The following RRM1 variants were observed in gnomAD, a reference collection of about 807,000 sequenced individuals.
RRM1 encodes the protein ribonucleotide reductase catalytic subunit M1.
RRM1 carries 19 observed loss-of-function variants against 101.5 expected under a neutral mutation model. The observed-to-expected ratio is 0.19, with a 90% CI of 0.13 to 0.27. The LOEUF is 0.27. RRM1 is among the 10% of genes least tolerant of loss of function. The pLI is 1.00. For missense variants in RRM1, 500 were observed against 962.9 expected, an observed-to-expected ratio of 0.52 and a Z score of 6.36; for synonymous variants, 298 against 323.4, an observed-to-expected ratio of 0.92 and a Z score of 0.84.
intron 4 of RRM1, among the ~76,000 whole-genome samples, chr11:4,108,667 A>C (rs977842083): frequency 5.3e-5 from 8 of 151,894 alleles, no homozygotes; most frequent in Non-Finnish European, 8.8e-5. Context: ...TGTTAAAGAG[A>C]CTAGGAGAAA....
At position 4,095,036 on chromosome 11, in the gene RRM1, G is replaced by C. The variant is rs2094541116; in HGVS notation, c.19+5G>C. The C allele has an allele frequency of 6.4e-7, 1 of 1,568,318 alleles. No homozygotes were observed. Among genetic ancestry groups the C allele is most frequent in the Admixed American group, 1.9e-5 (1 of 53,484 alleles). On this transcript the variant is annotated splice_donor_5th_base_variant and intron_variant, in intron 1 of 18. Transcript: ENST00000300738. The stretch of plus-strand genomic sequence containing the variant: ...CGATGCATGTGATCAAGCGAGGTGA[G>C]GGGGGGACGAGGTGGGCGAGAAGGA...
chr11:4,101,636 A>T (rs780051364), intron 1 of RRM1, among the ~76,000 whole-genome samples: 2 of 143,198 alleles, frequency 1.4e-5, no homozygotes, highest in Non-Finnish European at 1.5e-5. Context: ...GTGGATTGTT[A>T]TAACAATTTT....
Position 4,107,472 on chromosome 11 carries a change from T to C in RRM1, c.324T>C (p.His108=), listed in dbSNP as rs201417832. ...ACCTCTATAACTACATAAATCCACA[T>C]AATGGCAAACACTCTCCCATGGTGG... is the stretch of plus-strand genomic sequence containing the variant. ...MEDLYNYINP[H]NGKHSPMVAK... The change falls in exon 4 of 19, where the codon CAT becomes CAC. Residue 108 remains histidine (H), a synonymous_variant. Transcript: ENST00000300738. The C allele has an allele frequency of 2.9e-5, 47 of 1,613,618 alleles. No homozygotes were observed. In the African/African-American group the frequency reaches 6.3e-4, roughly 21 times the overall value.
intron 7 of RRM1, among the ~76,000 whole-genome samples, chr11:4,112,751 T>C (rs940285709): frequency 6.6e-6 from 1 of 152,108 alleles, no homozygotes; most frequent in Non-Finnish European, 1.5e-5. Context: ...ATATAAGAAA[T>C]TGTGGTAGTC....
Position 4,094,881 on chromosome 11 carries a change from C to G in RRM1, c.-132C>G, listed in dbSNP as rs1010821862. 6.5e-6 allele frequency: 6 copies of G among 927,916 alleles called. No individual in the cohort carries two copies. The highest frequency in any genetic ancestry group is 1.0e-5 in the Non-Finnish European group (6 of 584,250). 57.5% of individuals were successfully genotyped at this position (927,916 alleles called of 1,614,324 possible). Reference sequence around the variant, plus strand: ...GCTCTGAAGAAAGTGCTGTCTGGCTCCAACTCCAGTTCTTTCCCCTGAGCA... The same window carrying G: ...GCTCTGAAGAAAGTGCTGTCTGGCTGCAACTCCAGTTCTTTCCCCTGAGCA... On this transcript the variant is annotated 5_prime_UTR_variant, in exon 1 of 19. Coordinates refer to ENST00000300738, the MANE Select transcript of RRM1 (RefSeq NM_001033.5).
At position 4,111,640 on chromosome 11, in the gene RRM1, G is replaced by T. The variant is rs961142649; in HGVS notation, c.487G>T (p.Val163Leu). 6.2e-7 allele frequency: 1 copy of T among 1,601,776 alleles called. No homozygotes were observed. Among genetic ancestry groups the T allele is most frequent in the African/African-American group, 1.3e-5 (1 of 74,668 alleles). The change falls in exon 6 of 19, where the codon GTG becomes TTG. Residue 163 changes from valine to leucine, a missense_variant and splice_region_variant. This residue lies in a region of RRM1 where 111 missense variants were observed against 219.8 expected (regional missense o/e 0.51). Coordinates refer to ENST00000300738, the MANE Select transcript of RRM1 (RefSeq NM_001033.5). ...TTATTTGTTGAAGATCAATGGAAAAGGTGAGAAATGAACATGTTTGTCTGT... is the reference window on the plus strand; with the variant it reads ...TTATTTGTTGAAGATCAATGGAAAATGTGAGAAATGAACATGTTTGTCTGT... ...RSYLLKINGK[V>L]AERPQHMLMR...
intron 1 of RRM1, 152 bp downstream of exon 1, chr11:4,095,183 C>T (rs1021425113): frequency 2.1e-6 from 2 of 954,146 alleles, no homozygotes; most frequent in Admixed American, 4.2e-5. Flanking sequence ...CCCGCTCGGC[C>T]TTCTGTCTTC....
rs746482646 is a variant in RRM1 at position 4,121,622 on chromosome 11, A to G, written c.895A>G (p.Ile299Val). 8 of 1,613,042 alleles carry G rather than the reference A, an allele frequency of 5.0e-6. No individual in the cohort carries two copies. In the Admixed American group the frequency reaches 5.0e-5, roughly 10 times the overall value. The change falls in exon 10 of 19, where the codon ATT (isoleucine) becomes GTT (valine). Residue 299 changes from isoleucine to valine, a missense_variant. By Grantham distance (29) the Ile-to-Val change is conservative. This residue lies in a region of RRM1 where 111 missense variants were observed against 219.8 expected (regional missense o/e 0.51). Transcript: ENST00000300738. ...CCACTAGCGTCCTGGGGCATTTGCT[A>G]TTTACCTGGAGCCTTGGCATTTAGA... ...GGNKRPGAFA[I>V]YLEPWHLDIF...
In RRM1 at chr11:4,132,506, C is replaced by A; in HGVS notation, c.1905+85C>A. On this transcript the variant is annotated intron_variant, in intron 16 of 18. Coordinates refer to ENST00000300738, the MANE Select transcript of RRM1 (RefSeq NM_001033.5). The surrounding 1 kb of genome is among the most constrained non-coding windows in gnomAD (Gnocchi z 4.1). ...AATGCTCACTCATGTTTAATTTGCC[C>A]ATTTTCTTAGTTTGGGTGCAAACTT... 1.4e-6 allele frequency: 2 copies of A among 1,463,172 alleles called. No homozygotes were observed. The highest frequency in any genetic ancestry group is 9.4e-7 in the Non-Finnish European group (1 of 1,066,998). The allele number at this position is 1,463,172 out of a possible 1,614,324, so 90.6% of individuals were successfully genotyped here. A position where few individuals can be genotyped will look rare whatever the true frequency, so the allele number is the denominator to read the frequency against.
In RRM1 at chr11:4,111,646, A is replaced by C. The variant is rs1219106592; in HGVS notation, c.487+6A>C. ...GTTGAAGATCAATGGAAAAGGTGAGAAATGAACATGTTTGTCTGTTACATT... is the reference window on the plus strand; with the variant it reads ...GTTGAAGATCAATGGAAAAGGTGAGCAATGAACATGTTTGTCTGTTACATT... On this transcript the variant is annotated splice_donor_region_variant and intron_variant, in intron 6 of 18. Transcript: ENST00000300738. The C allele has an allele frequency of 6.2e-7, 1 of 1,600,134 alleles. No individual in the cohort carries two copies. Among genetic ancestry groups the C allele is most frequent in the Non-Finnish European group, 8.5e-7 (1 of 1,170,444 alleles).
chr11:4,132,340 T>C lies in RRM1; in HGVS notation c.1824T>C (p.Ala608=), dbSNP rs1335505526. 4 of 1,614,120 alleles carry C rather than the reference T, an allele frequency of 2.5e-6. No individual in the cohort carries two copies. Among genetic ancestry groups the C allele is most frequent in the East Asian group, 2.2e-5 (1 of 44,874 alleles). ...CCCCGATGCCTACAGCTTCCACTGC[T>C]CAGATCCTGGGGAATAATGAGTCCA... ...LIAPMPTAST[A]QILGNNESIE... Residue 608 remains alanine, a synonymous_variant, in exon 16 of 19, where the codon GCT becomes GCC. Coordinates refer to ENST00000300738, the MANE Select transcript of RRM1 (RefSeq NM_001033.5). This position sits in a 1 kb window ranked among gnomAD's most constrained non-coding sequence, Gnocchi z 4.1.
At chr11:4,118,214 T>G in intron 7 of RRM1, 106 bp from the exon 8 acceptor site, 1 of 1,137,054 alleles carries the variant, frequency 8.8e-7, no homozygotes, top group Non-Finnish European at 1.2e-6. Flanking sequence ...TTTCTAAACT[T>G]CAACTCTTTT....
At chr11:4,130,101 T>A (rs2094597291) in intron 15 of RRM1, among the ~76,000 whole-genome samples, 1 of 139,846 alleles carries the variant, frequency 7.2e-6, no homozygotes, top group Admixed American at 7.3e-5. Context: ...TTTTTTTTTT[T>A]TTTCCCCTCA....
rs765675047 is a variant in RRM1, at chr11:4,138,359, T to C, written c.2355T>C (p.Asp785=). The C allele has an allele frequency of 3.7e-6, 6 of 1,607,964 alleles. No individual in the cohort carries two copies. In the East Asian group the frequency reaches 1.3e-4, roughly 36 times the overall value. Residue 785 remains aspartate (D), a synonymous_variant, in exon 19 of 19, where the codon GAT becomes GAC. Transcript: ENST00000300738. The stretch of plus-strand genomic sequence containing the variant: ...TGGTGTGCTCTTTGGAGAATAGAGA[T>C]GAATGTCTGATGTGTGGATCCTGAG... ...AAMVCSLENR[D]ECLMCGS
intron 14 of RRM1, among the ~76,000 whole-genome samples, chr11:4,128,802 G>A (rs530676898): frequency 1.3e-5 from 2 of 152,174 alleles, no homozygotes; most frequent in African/African-American, 4.8e-5. Flanking sequence ...AAAAGAGAAT[G>A]TGTCAGCCAC....
intron 9 of RRM1, among the ~76,000 whole-genome samples, chr11:4,121,057 T>C (rs2094581085): frequency 6.6e-6 from 1 of 152,168 alleles, no homozygotes; most frequent in South Asian, 2.1e-4. Flanking sequence ...CTCTCCCTAA[T>C]TGATAGAAGA....
intron 3 of RRM1, among the ~76,000 whole-genome samples, chr11:4,106,901 T>A (rs2094559053): frequency 6.6e-6 from 1 of 152,178 alleles, no homozygotes; most frequent in Non-Finnish European, 1.5e-5. Flanking sequence ...AAAATTTTTT[T>A]ATTTTTTTTG....
At chr11:4,122,544 C>G (rs1230688612) in intron 11 of RRM1, among the ~76,000 whole-genome samples, 2 of 152,192 alleles carry the variant, frequency 1.3e-5, no homozygotes, top group East Asian at 3.9e-4. Context: ...ATAAAGGAAT[C>G]ATGAGTGACT....
chr11:4,110,748 GAC>G (rs1013201200), intron 5 of RRM1, among the ~76,000 whole-genome samples: 2 of 141,262 alleles, frequency 1.4e-5, no homozygotes, highest in Admixed American at 7.4e-5. Flanking sequence ...CAGCCTGGGT[GAC>G]AGAGTGAGAC....
Sources: allele counts gnomAD v4.1 joint callset (sites outside exome capture counted in the v4.1 genomes callset), GRCh38; gene constraint gnomAD v4.1.1; regional missense constraint gnomAD v4.1.1; non-coding constraint Gnocchi (gnomAD v3.1); transcripts MANE v1.5; gene names NCBI Gene and HGNC (gene_info 2026-07-23, HGNC 2026-07-21).